HPCAL1: variants seen among roughly 807,000 people sequenced by gnomAD.
The protein encoded by HPCAL1 is hippocalcin-like protein 1.
A neutral mutation model predicts 17.1 loss-of-function variants in HPCAL1; 8 were observed. The observed-to-expected ratio is 0.47, with a 90% CI of 0.27 to 0.84. The LOEUF (loss-of-function observed/expected upper bound fraction) is 0.84. HPCAL1 is among the 40% of genes least tolerant of loss of function. The pLI is 0.13. For synonymous variants in HPCAL1, 112 were observed against 111.4 expected (o/e 1.01, Z -0.03); for missense variants, 165 against 271.1 (o/e 0.61, Z 2.75).
At chr2:10,356,560 C>T (rs750592424) in intron 1 of HPCAL1, among the ~76,000 whole-genome samples, 6 of 152,078 alleles carry the variant, frequency 3.9e-5, no homozygotes, top group Admixed American at 2.0e-4. Context: ...GCCTGAGGCA[C>T]GGGAAGATTA....
intron 2 of HPCAL1, among the ~76,000 whole-genome samples, chr2:10,402,142 T>C (rs11685681): frequency 0.16 from 24,006 of 152,118 alleles, 3,242 homozygotes; most frequent in African/African-American, 0.37. Context: ...TCAGGTAATC[T>C]GCCCGCCTCG....
intron 1 of HPCAL1, among the ~76,000 whole-genome samples, chr2:10,378,227 T>G (rs1175823730): frequency 2.7e-5 from 4 of 145,666 alleles, no homozygotes; most frequent in African/African-American, 7.6e-5. Flanking sequence ...TTTCATGTTT[T>G]TTTTTTTTTT....
rs1003654526 is a variant in HPCAL1, at chr2:10,384,736, C to T, written c.-110-12099C>T. Among the ~76,000 whole-genome samples, 3 of 152,148 alleles carry T rather than the reference C, an allele frequency of 2.0e-5. No individual in the cohort carries two copies. Among genetic ancestry groups the T allele is most frequent in the East Asian group, 3.9e-4 (2 of 5,164 alleles). ...GCAGAGTAAACAGTGCAGTGGCAGC[C>T]GGGGCTGGCACTTTTAAAGAAAGCC... On this transcript the variant is annotated intron_variant, in intron 1 of 4. Transcript: ENST00000307845. This position sits in a 1 kb window ranked among gnomAD's most constrained non-coding sequence, Gnocchi z 4.4.
At chr2:10,399,529 C>CCGCCACCGCCACCA (rs1669425499) in intron 2 of HPCAL1, among the ~76,000 whole-genome samples, 2 of 101,736 alleles carry the variant, frequency 2.0e-5, no homozygotes, top group African/African-American at 8.8e-5. Context: ...ACCACCGCCA[C>CCGCCACCGCCACCA]TGCCACCGCC....
At chr2:10,407,010 G>A (rs1670015833) in intron 2 of HPCAL1, among the ~76,000 whole-genome samples, 1 of 152,104 alleles carries the variant, frequency 6.6e-6, no homozygotes, top group Admixed American at 6.5e-5. Flanking sequence ...TCAAGCTGGA[G>A]TGATGTTCGC....
At chr2:10,385,900 G>C (rs1237078898) in intron 1 of HPCAL1, among the ~76,000 whole-genome samples, 1 of 152,104 alleles carries the variant, frequency 6.6e-6, no homozygotes, top group African/African-American at 2.4e-5. Flanking sequence ...CTCGTGTCGG[G>C]GGGTGTCCGG....
At chr2:10,407,319 C>T (rs1162264431) in intron 2 of HPCAL1, among the ~76,000 whole-genome samples, 1 of 152,208 alleles carries the variant, frequency 6.6e-6, no homozygotes, top group Non-Finnish European at 1.5e-5. Flanking sequence ...ATCCTAACCC[C>T]TGACCTTCCT....
chr2:10,332,315 G>A (rs753129743), intron 1 of HPCAL1, among the ~76,000 whole-genome samples: 13 of 152,124 alleles, frequency 8.5e-5, no homozygotes, highest in Non-Finnish European at 1.8e-4. Context: ...CTTCATTTGA[G>A]TTGCATCATG....
chr2:10,325,277 G>A (rs1007256431), intron 1 of HPCAL1, among the ~76,000 whole-genome samples: 17 of 152,268 alleles, frequency 1.1e-4, no homozygotes, highest in African/African-American at 3.9e-4. Flanking sequence ...CGATCCTCCC[G>A]ACATCGTAAT....
At chr2:10,408,321 T>C (rs1174581897) in intron 2 of HPCAL1, among the ~76,000 whole-genome samples, 1 of 152,106 alleles carries the variant, frequency 6.6e-6, no homozygotes, top group Non-Finnish European at 1.5e-5. Flanking sequence ...TGGGGAGTTG[T>C]GGGGAGTTTA....
At position 10,330,918 on chromosome 2, in the gene HPCAL1, G is replaced by T. The variant is rs907306238; in HGVS notation, c.-111+27741G>T. ...GGTTGAGTCAGAGCTTCTGGGTGCA[G>T]CCTGGGGGTGCAGCAAGCCCACCCC... On this transcript the variant is annotated intron_variant, in intron 1 of 4. Transcript: ENST00000307845. The surrounding 1 kb of genome is among the most constrained non-coding windows in gnomAD (Gnocchi z 4.2). Among the ~76,000 whole-genome samples the T allele has an allele frequency of 3.3e-5, 5 of 152,196 alleles. No homozygotes were observed. The highest frequency in any genetic ancestry group is 3.3e-4 in the Admixed American group (5 of 15,286).
At chr2:10,371,251 T>C (rs1304512096) in intron 1 of HPCAL1, among the ~76,000 whole-genome samples, 2 of 152,168 alleles carry the variant, frequency 1.3e-5, no homozygotes, top group Non-Finnish European at 2.9e-5. Flanking sequence ...AGTGGGACTA[T>C]ACATTGTCTC....
intron 1 of HPCAL1, among the ~76,000 whole-genome samples, chr2:10,374,047 C>T (rs1003373709): frequency 4.6e-5 from 7 of 152,258 alleles, no homozygotes; most frequent in African/African-American, 1.4e-4. Flanking sequence ...CCCTGGAGCT[C>T]GGGTGGCCTG....
intron 2 of HPCAL1, among the ~76,000 whole-genome samples, chr2:10,409,662 C>T (rs1286480237): frequency 1.3e-5 from 2 of 152,126 alleles, no homozygotes; most frequent in African/African-American, 4.8e-5. Flanking sequence ...TGCCTTCCAC[C>T]TTCCTGTTCC....
intron 2 of HPCAL1, among the ~76,000 whole-genome samples, chr2:10,418,207 A>G (rs1263620019): frequency 6.6e-6 from 1 of 152,090 alleles, no homozygotes; most frequent in East Asian, 1.9e-4. Flanking sequence ...ACTTGAGGTC[A>G]GGAGTTTGAG....
intron 2 of HPCAL1, among the ~76,000 whole-genome samples, chr2:10,399,089 G>A (rs1281710641): frequency 6.6e-6 from 1 of 151,824 alleles, no homozygotes; most frequent in African/African-American, 2.4e-5. Context: ...TGATACCCGT[G>A]TCAAGAAGCT....
chr2:10,317,446 C>G (rs1663391393), intron 1 of HPCAL1, among the ~76,000 whole-genome samples: 1 of 146,124 alleles, frequency 6.8e-6, no homozygotes, highest in Non-Finnish European at 1.5e-5. Flanking sequence ...GAGACAGGGT[C>G]TCAGTCTGCC....
At chr2:10,375,602 G>C (rs1418967863) in intron 1 of HPCAL1, among the ~76,000 whole-genome samples, 1 of 152,246 alleles carries the variant, frequency 6.6e-6, no homozygotes, top group African/African-American at 2.4e-5. Flanking sequence ...AGTCAGAATT[G>C]ACATCAATTT....
At chr2:10,376,669 T>G (rs902642582) in intron 1 of HPCAL1, among the ~76,000 whole-genome samples, 19 of 152,150 alleles carry the variant, frequency 1.2e-4, no homozygotes, top group African/African-American at 4.3e-4. Context: ...ACTCCTGATC[T>G]CAAGTGATCT....
Sources: gnomAD v4.1 joint callset for allele counts (sites outside exome capture counted in the v4.1 genomes callset) on GRCh38, gnomAD v4.1.1 for gene constraint, Gnocchi (gnomAD v3.1) non-coding constraint, MANE v1.5 for transcripts, NCBI Gene and HGNC (gene_info 2026-07-23, HGNC 2026-07-21) for gene names.